Variants in DDHD1 observed in about 807,000 individuals in gnomAD.
DDHD1 encodes DDHD domain containing 1.
In DDHD1, 49 loss-of-function variants were observed where a neutral mutation model predicts 96.4. The observed-to-expected ratio is 0.51, with a 90% CI of 0.40 to 0.64. DDHD1 has a LOEUF of 0.64. DDHD1 is among the 30% of genes least tolerant of loss of function. The probability of loss-of-function intolerance (pLI) is 0.00; values close to 1 mark genes in which losing one functional copy is unlikely to be tolerated. For missense variants in DDHD1, 1,106 were observed against 1,161.2 expected (o/e 0.95, Z 0.69); for synonymous variants, 442 against 446.5 (o/e 0.99, Z 0.13).
intron 4 of DDHD1, among the ~76,000 whole-genome samples, chr14:53,083,851 T>C (rs1885703629): frequency 6.6e-6 from 1 of 152,222 alleles, no homozygotes; most frequent in Admixed American, 6.5e-5. Context: ...GTGTAGAATT[T>C]TCCATCAAAT....
At chr14:53,146,754 CTTG>C (rs1003751788) in intron 1 of DDHD1, among the ~76,000 whole-genome samples, 5 of 152,138 alleles carry the variant, frequency 3.3e-5, no homozygotes, top group African/African-American at 1.2e-4. Context: ...TGATTCAACA[CTTG>C]TTATGGGTAC....
At chr14:53,067,477 A>G (rs1398988621) in intron 6 of DDHD1, among the ~76,000 whole-genome samples, 1 of 145,732 alleles carries the variant, frequency 6.9e-6, no homozygotes, top group African/African-American at 2.6e-5. Flanking sequence ...TTTTTTTTAG[A>G]GATGGAATCT....
At chr14:53,111,944 T>C (rs1888138058) in intron 1 of DDHD1, among the ~76,000 whole-genome samples, 1 of 152,146 alleles carries the variant, frequency 6.6e-6, no homozygotes. Context: ...AGGGTAAATA[T>C]AAATTTACAT....
At position 53,152,416 on chromosome 14, in the gene DDHD1, T is replaced by A; in HGVS notation, c.683A>T (p.Asp228Val). Residue 228 changes from aspartate (D) to valine (V), a missense_variant, in exon 1 of 13, where the codon GAT becomes GTT. Around this residue, in one of 2 missense-constraint regions of DDHD1, gnomAD observed 456 missense variants for 402.4 expected, o/e 1.13. Coordinates refer to ENST00000673822, the MANE Select transcript of DDHD1 (RefSeq NM_001160148.2). ...GCCGCAGGCGCGGTCCTCATCGTCA[T>A]CTTCTCCGGAACTGGAGGCTGGGCC... ...PTGPASSSGE[D>V]DDEDRACGFC... The A allele has an allele frequency of 6.2e-7, 1 of 1,613,840 alleles. No individual in the cohort carries two copies. Among genetic ancestry groups the A allele is most frequent in the Non-Finnish European group, 8.5e-7 (1 of 1,179,952 alleles).
At chr14:53,048,526 G>A (rs774159184) in intron 12 of DDHD1, 1 of 152,016 alleles carries the variant, frequency 6.6e-6, no homozygotes, top group Non-Finnish European at 1.5e-5. Flanking sequence ...TTTTAGTACA[G>A]ATGGTGTTTC....
intron 1 of DDHD1, among the ~76,000 whole-genome samples, chr14:53,117,194 G>A (rs1325725993): frequency 1.3e-5 from 2 of 152,120 alleles, no homozygotes; most frequent in Non-Finnish European, 2.9e-5. Context: ...TGGCCAAATA[G>A]GAACAGCTCT....
At chr14:53,113,390 C>CAAAAAAAAAAAA (rs60704615) in intron 1 of DDHD1, among the ~76,000 whole-genome samples, 8 of 118,266 alleles carry the variant, frequency 6.8e-5, no homozygotes, top group African/African-American at 1.6e-4. Context: ...CTGTACAAGC[C>CAAAAAAAAAAAA]AAAAAAAAAA....
At chr14:53,151,011 T>C (rs1053991827) in intron 1 of DDHD1, among the ~76,000 whole-genome samples, 1 of 152,198 alleles carries the variant, frequency 6.6e-6, no homozygotes, top group Non-Finnish European at 1.5e-5. Flanking sequence ...TTTTATTTGG[T>C]GATTTGACAC....
intron 1 of DDHD1, among the ~76,000 whole-genome samples, chr14:53,124,819 C>A (rs933512642): frequency 6.6e-6 from 1 of 152,156 alleles, no homozygotes; most frequent in Admixed American, 6.5e-5. Flanking sequence ...AAAGATTGAG[C>A]GGCTTAAACA....
intron 1 of DDHD1, among the ~76,000 whole-genome samples, chr14:53,139,003 T>C (rs1375060754): frequency 6.7e-6 from 1 of 149,390 alleles, no homozygotes; most frequent in African/African-American, 2.5e-5. Context: ...ACCTAAGGAA[T>C]GAAAGCCTTA....
intron 9 of DDHD1, among the ~76,000 whole-genome samples, chr14:53,058,259 C>T (rs895473598): frequency 6.6e-6 from 1 of 152,196 alleles, no homozygotes; most frequent in African/African-American, 2.4e-5. Context: ...GCCTTACAGG[C>T]ACCCACTACC....
At position 53,146,225 on chromosome 14, in the gene DDHD1, C is replaced by T. The variant is rs140931694; in HGVS notation, c.838+6036G>A. Among the ~76,000 whole-genome samples the T allele has an allele frequency of 5.6e-5, 8 of 141,970 alleles. No homozygotes were observed. The East Asian group carries it at 1.7e-3, about 30-fold the overall frequency. 93.1% of individuals were successfully genotyped at this position (141,970 alleles called of 152,430 possible). A position where few individuals can be genotyped will look rare whatever the true frequency, so the allele number is the denominator to read the frequency against. On this transcript the variant is annotated intron_variant, in intron 1 of 12. Coordinates refer to ENST00000673822, the MANE Select transcript of DDHD1 (RefSeq NM_001160148.2). ...TCCATCTCAAAACAAACAAAAAGGC[C>T]GGGCGCGGTGGCTTACACCTGTAAT...
intron 1 of DDHD1, among the ~76,000 whole-genome samples, chr14:53,137,027 C>T (rs1314484618): frequency 3.3e-5 from 5 of 151,896 alleles, no homozygotes; most frequent in Non-Finnish European, 5.9e-5. Context: ...TTCCTCACTC[C>T]CTAGATTCAA....
chr14:53,120,768 C>G (rs1888923136), intron 1 of DDHD1, among the ~76,000 whole-genome samples: 1 of 152,162 alleles, frequency 6.6e-6, no homozygotes, highest in African/African-American at 2.4e-5. Context: ...AAACTAGACC[C>G]TTTCCTTACA....
At chr14:53,117,282 TTGGGACTGGTTGGACAG>T (rs1452898931) in intron 1 of DDHD1, among the ~76,000 whole-genome samples, 2 of 152,140 alleles carry the variant, frequency 1.3e-5, no homozygotes, top group Non-Finnish European at 2.9e-5. Context: ...GTTCATCTCA[TTGGGACTGGTTGGACAG>T]TGGGTGCAGC....
intron 6 of DDHD1, among the ~76,000 whole-genome samples, chr14:53,065,679 G>C (rs1342014241): frequency 6.6e-6 from 1 of 152,176 alleles, no homozygotes; most frequent in East Asian, 1.9e-4. Context: ...GAATCTGAGA[G>C]TTAAAAGGGA....
intron 1 of DDHD1, among the ~76,000 whole-genome samples, chr14:53,119,440 C>T (rs551263803): frequency 5.9e-5 from 9 of 152,196 alleles, no homozygotes; most frequent in Admixed American, 2.0e-4. Flanking sequence ...AAGAATCCTC[C>T]CTAACTCATT....
Position 53,036,917 on chromosome 14 carries a change from C to T in DDHD1, c.*9851G>A, listed in dbSNP as rs1461912510. On this transcript the variant is annotated 3_prime_UTR_variant, in exon 13 of 13. Transcript: ENST00000673822. ...TAGTACCCAATAGGTAGTTTTTCAA[C>T]CTATCCTTCTGCCCTCCTCACCCAC... 2 of 152,116 alleles carry T rather than the reference C, an allele frequency of 1.3e-5. No homozygotes were observed. Among genetic ancestry groups the T allele is most frequent in the Admixed American group, 1.3e-4 (2 of 15,240 alleles). 9.4% of individuals were successfully genotyped at this position (152,116 alleles called of 1,614,324 possible).
chr14:53,086,574 A>AT (rs146202533), intron 4 of DDHD1, among the ~76,000 whole-genome samples: 151,726 of 152,234 alleles, frequency 1, 75,617 homozygotes, highest in Middle Eastern at 1. Context: ...TGAAGGAGAA[A>AT]AAAATCTTTT....
Sources: allele counts gnomAD v4.1 joint callset (sites outside exome capture counted in the v4.1 genomes callset), GRCh38; gene constraint gnomAD v4.1.1; regional missense constraint gnomAD v4.1.1; transcripts MANE v1.5; gene names NCBI Gene and HGNC (gene_info 2026-07-23, HGNC 2026-07-21).